CERS4: variants seen among roughly 807,000 people sequenced by gnomAD.
The protein encoded by CERS4 is LAG1 homolog, ceramide synthase 4.
A neutral mutation model predicts 51.8 loss-of-function variants in CERS4; 65 were observed. The ratio of observed to expected loss-of-function variants is 1.26; its 90% CI spans 1.03 to 1.54. The LOEUF is 1.54. Among genes scored for constraint, CERS4 ranks in the 40% most tolerant of loss-of-function variants. CERS4 has a pLI of 0.00. For synonymous variants in CERS4, 228 were observed against 208.4 expected (o/e 1.09, Z -0.81); for missense variants, 563 against 500.4 (o/e 1.13, Z -1.19).
At chr19:8,231,851 ATTT>A (rs3042169) in intron 2 of CERS4, among the ~76,000 whole-genome samples, 48,298 of 103,916 alleles carry the variant, frequency 0.46, 10,965 homozygotes, top group Non-Finnish European at 0.5. Context: ...TGTGCCCAGC[ATTT>A]TTTTTTTTTT....
intron 3 of CERS4, 85 bp from the exon 4 acceptor site, chr19:8,254,414 T>A: frequency 7.9e-7 from 1 of 1,268,108 alleles, no homozygotes; most frequent in Non-Finnish European, 1.1e-6. Flanking sequence ...GACTTGGTTA[T>A]CCCACCGGCA....
chr19:8,246,558 A>AT (rs1206185421), intron 2 of CERS4, among the ~76,000 whole-genome samples: 1 of 152,120 alleles, frequency 6.6e-6, no homozygotes, highest in East Asian at 1.9e-4. Flanking sequence ...GTCTAAAAAA[A>AT]CAAAAAGTCT....
chr19:8,210,675 TC>T lies in CERS4; in HGVS notation c.-158-26del, dbSNP rs1967049054. 2 of 152,152 alleles carry T rather than the reference TC, an allele frequency of 1.3e-5. No homozygotes were observed. The highest frequency in any genetic ancestry group is 2.9e-5 in the Non-Finnish European group (2 of 68,188). 9.4% of individuals were successfully genotyped at this position (152,152 alleles called of 1,614,324 possible). A position where few individuals can be genotyped will look rare whatever the true frequency, so the allele number is the denominator to read the frequency against. ...GGAATTGTCTTTGAAGCCCTCGGCCTCCCCCAGCCTCAAATGGGTCTGCCTT... is the reference window on the plus strand; with the variant it reads ...GGAATTGTCTTTGAAGCCCTCGGCCTCCCCAGCCTCAAATGGGTCTGCCTT... On this transcript the variant is annotated intron_variant, in intron 1 of 11. Transcript: ENST00000251363. This position sits in a 1 kb window ranked among gnomAD's most constrained non-coding sequence, Gnocchi z 4.2.
intron 2 of CERS4, among the ~76,000 whole-genome samples, chr19:8,219,943 A>C (rs1967459308): frequency 6.7e-6 from 1 of 150,296 alleles, no homozygotes; most frequent in Non-Finnish European, 1.5e-5. Flanking sequence ...TGATCATGCC[A>C]CTGCACTCCA....
chr19:8,259,867 C>T (rs1445550647), intron 10 of CERS4, among the ~76,000 whole-genome samples: 2 of 152,104 alleles, frequency 1.3e-5, no homozygotes, highest in South Asian at 2.1e-4. Context: ...TCTCAGTCCT[C>T]GGGCTTCCTG....
rs756357624 is a variant in CERS4, at chr19:8,256,213, GCCTGACAC to G, written c.469-20_469-13del. The G allele has an allele frequency of 5.0e-6, 8 of 1,606,452 alleles. No homozygotes were observed. The highest frequency in any genetic ancestry group is 6.8e-6 in the Non-Finnish European group (8 of 1,176,742). ...GAGGTTGGATTCTCACCTCTGCACA[GCCTGACAC>G]CCATTTCCCTGCAGGAGTCATGGCT... On this transcript the variant is annotated splice_polypyrimidine_tract_variant and intron_variant, in intron 6 of 11. Coordinates refer to ENST00000251363, the MANE Select transcript of CERS4 (RefSeq NM_024552.3).
rs1373370810 is a variant in CERS4 at position 8,257,943 on chromosome 19, CCTTTGTCTTCTT to C, written c.809_820del (p.Phe270_Phe273del). 4.3e-6 allele frequency: 7 copies of C among 1,613,890 alleles called. No homozygotes were observed. Among genetic ancestry groups the C allele is most frequent in the East Asian group, 2.2e-5 (1 of 44,838 alleles). On this transcript the variant is annotated inframe_deletion, in exon 10 of 12. Coordinates refer to ENST00000251363, the MANE Select transcript of CERS4 (RefSeq NM_024552.3). ...TGCGACGCTCTCTTCCTCATCTTCTCCTTTGTCTTCTTCTACACCCGACTGGTCCTCTTTCCC... is the reference window on the plus strand; with the variant it reads ...TGCGACGCTCTCTTCCTCATCTTCTCCTACACCCGACTGGTCCTCTTTCCC...
chr19:8,216,380 GAA>G (rs911060272), intron 2 of CERS4, among the ~76,000 whole-genome samples: 1 of 127,774 alleles, frequency 7.8e-6, no homozygotes, highest in Non-Finnish European at 1.7e-5. Flanking sequence ...TTTTGTCTTG[GAA>G]AAAAAAAAAA....
chr19:8,253,622 G>A (rs1362257647), intron 3 of CERS4, among the ~76,000 whole-genome samples: 2 of 151,646 alleles, frequency 1.3e-5, no homozygotes, highest in African/African-American at 4.8e-5. Context: ...CCGCCACCTC[G>A]CCCGGCTAAT....
In CERS4 at chr19:8,221,872, GTTTTTTTTTTT is replaced by G. The variant is rs71165297; in HGVS notation, c.-2+11027_-2+11037del. 4.7e-3 allele frequency among the ~76,000 whole-genome samples: 186 copies of G among 39,486 alleles called. 1 individual carries two copies. Among genetic ancestry groups the G allele is most frequent in the African/African-American group, 0.016 (176 of 10,890 alleles). 25.9% of individuals were successfully genotyped at this position (39,486 alleles called of 152,430 possible). A position where few individuals can be genotyped will look rare whatever the true frequency, so the allele number is the denominator to read the frequency against. On this transcript the variant is annotated intron_variant, in intron 2 of 11. Coordinates refer to ENST00000251363, the MANE Select transcript of CERS4 (RefSeq NM_024552.3). ...CTTACTGACTTATTTATTTTTTTATGTTTTTTTTTTTTTTTTTTTTTTTTTTTGAGACAGAG... is the reference window on the plus strand; with the variant it reads ...CTTACTGACTTATTTATTTTTTTATGTTTTTTTTTTTTTTTTGAGACAGAG...
rs1001302933 is a variant in CERS4 at position 8,257,904 on chromosome 19, A to G, written c.767A>G (p.Gln256Arg). The change falls in exon 10 of 12, where the codon CAG becomes CGG. Residue 256 changes from glutamine to arginine, a missense_variant. Physicochemically the swap from Gln to Arg is conservative, Grantham distance 43. Coordinates refer to ENST00000251363, the MANE Select transcript of CERS4 (RefSeq NM_024552.3). The part of the protein sequence containing the change: ...LEACKMVNYM[Q>R]YQQVCDALFL... The stretch of plus-strand genomic sequence containing the variant: ...GCCTGTAAGATGGTCAACTACATGC[A>G]GTATCAGCAAGTGTGCGACGCTCTC... 6.2e-7 allele frequency: 1 copy of G among 1,613,836 alleles called. No individual in the cohort carries two copies. Among genetic ancestry groups the G allele is most frequent in the African/African-American group, 1.3e-5 (1 of 74,924 alleles).
chr19:8,235,255 C>G (rs537851273), intron 2 of CERS4, among the ~76,000 whole-genome samples: 4 of 151,650 alleles, frequency 2.6e-5, no homozygotes, highest in South Asian at 4.2e-4. Flanking sequence ...GATCTGCCCC[C>G]CTCAGCCTCC....
intron 4 of CERS4, 134 bp downstream of exon 4, chr19:8,254,750 C>G: frequency 2.8e-6 from 2 of 723,894 alleles, no homozygotes; most frequent in South Asian, 3.4e-5. Flanking sequence ...CTACTTTCCA[C>G]TCTTCATCCT....
Position 8,261,440 on chromosome 19 carries a change from C to T in CERS4, c.849-248C>T, listed in dbSNP as rs900505495. ...GAAAGCAGCTGAGTTCATAAGTACC[C>T]GCTTGGGTGGGGTTCATAGTCATGA... On this transcript the variant is annotated intron_variant, in intron 10 of 11. Transcript: ENST00000251363. 6.0e-5 allele frequency: 32 copies of T among 532,184 alleles called. No individual in the cohort carries two copies. In the South Asian group the frequency reaches 6.6e-4, roughly 11 times the overall value. 33.0% of individuals were successfully genotyped at this position (532,184 alleles called of 1,614,324 possible). A position where few individuals can be genotyped will look rare whatever the true frequency, so the allele number is the denominator to read the frequency against.
At chr19:8,255,955 G>T in intron 6 of CERS4, 76 bp downstream of exon 6, 1 of 1,489,714 alleles carries the variant, frequency 6.7e-7, no homozygotes. Context: ...GTGGGGGTGT[G>T]GAGTGGTGCA....
intron 2 of CERS4, among the ~76,000 whole-genome samples, chr19:8,249,021 GTGGA>G (rs879848346): frequency 1.6e-4 from 24 of 147,412 alleles, no homozygotes; most frequent in African/African-American, 3.0e-4. Flanking sequence ...GTTTGGATGG[GTGGA>G]TGGATGGATG....
intron 10 of CERS4, among the ~76,000 whole-genome samples, chr19:8,259,745 G>A (rs1174642934): frequency 1.3e-5 from 2 of 152,122 alleles, no homozygotes; most frequent in Non-Finnish European, 2.9e-5. Context: ...CAGTGGGCAT[G>A]CCAGTCTGGG....
At position 8,221,885 on chromosome 19, in the gene CERS4, T is replaced by A. The variant is rs1259717716; in HGVS notation, c.-2+11023T>A. Among the ~76,000 whole-genome samples, 300 of 94,546 alleles carry A rather than the reference T, an allele frequency of 3.2e-3. 1 individual carries two copies. The highest frequency in any genetic ancestry group is 0.011 in the African/African-American group (274 of 24,964). The allele number at this position is 94,546 out of a possible 152,430, so 62.0% of individuals were successfully genotyped here. On this transcript the variant is annotated intron_variant, in intron 2 of 11. Transcript: ENST00000251363. ...TTATTTTTTTATGTTTTTTTTTTTT[T>A]TTTTTTTTTTTTTTGAGACAGAGGC... is the stretch of plus-strand genomic sequence containing the variant.
At chr19:8,235,314 G>T (rs565046907) in intron 2 of CERS4, among the ~76,000 whole-genome samples, 10 of 151,218 alleles carry the variant, frequency 6.6e-5, no homozygotes, top group African/African-American at 2.2e-4. Flanking sequence ...GCATAATAGG[G>T]ACGAGGTTTC....
Sources: allele counts gnomAD v4.1 joint callset (sites outside exome capture counted in the v4.1 genomes callset), GRCh38; gene constraint gnomAD v4.1.1; non-coding constraint Gnocchi (gnomAD v3.1); transcripts MANE v1.5; gene names NCBI Gene and HGNC (gene_info 2026-07-23, HGNC 2026-07-21).